The following DPYD variants were observed in gnomAD, a reference collection of about 807,000 sequenced individuals.
DPYD encodes dihydropyrimidine dehydrogenase.
DPYD carries 109 observed loss-of-function variants against 116.2 expected under a neutral mutation model. That is an observed-to-expected ratio of 0.94 (90% CI 0.80 to 1.10). The LOEUF is 1.10. Among genes scored for constraint, DPYD ranks in the 50% least tolerant of loss-of-function variants. The pLI, the probability that DPYD is intolerant of heterozygous loss-of-function variation, is 0.00. For synonymous variants in DPYD, 440 were observed against 432.0 expected, an observed-to-expected ratio of 1.02 and a Z score of -0.23; for missense variants, 1,302 against 1,254.5, an observed-to-expected ratio of 1.04 and a Z score of -0.57.
intron 11 of DPYD, among the ~76,000 whole-genome samples, chr1:97,554,768 C>A (rs530507752): frequency 6.6e-6 from 1 of 152,206 alleles, no homozygotes; most frequent in Admixed American, 6.6e-5. Context: ...TTCCACTTCT[C>A]AGTACTTTAA....
At chr1:97,220,868 C>A (rs1429130432) in intron 19 of DPYD, among the ~76,000 whole-genome samples, 1 of 152,096 alleles carries the variant, frequency 6.6e-6, no homozygotes, top group Non-Finnish European at 1.5e-5. Flanking sequence ...ATCACACATG[C>A]ATCTTCTGAT....
At chr1:97,817,409 A>G (rs944877793) in intron 3 of DPYD, among the ~76,000 whole-genome samples, 2 of 152,086 alleles carry the variant, frequency 1.3e-5, no homozygotes, top group African/African-American at 4.8e-5. Flanking sequence ...TGGATAAGAA[A>G]TTGTATTAAT....
intron 14 of DPYD, among the ~76,000 whole-genome samples, chr1:97,412,471 C>T (rs182260468): frequency 3.3e-5 from 5 of 152,206 alleles, no homozygotes; most frequent in East Asian, 1.9e-4. Context: ...ATAGGAGAAA[C>T]GTATCCTTTC....
intron 8 of DPYD, among the ~76,000 whole-genome samples, chr1:97,661,749 A>C (rs1659270387): frequency 6.6e-6 from 1 of 152,072 alleles, no homozygotes; most frequent in African/African-American, 2.4e-5. Context: ...CTATGAAATA[A>C]ATCTTCATCA....
chr1:97,149,877 A>G (rs1007505468), intron 20 of DPYD, among the ~76,000 whole-genome samples: 1 of 152,218 alleles, frequency 6.6e-6, no homozygotes, highest in Non-Finnish European at 1.5e-5. Context: ...TAACATTACG[A>G]TGTATTTGTA....
At chr1:97,392,887 A>G (rs1173196718) in intron 14 of DPYD, among the ~76,000 whole-genome samples, 2 of 151,838 alleles carry the variant, frequency 1.3e-5, no homozygotes, top group Non-Finnish European at 2.9e-5. Context: ...CTTGCAATCA[A>G]TTTCTTCCAA....
chr1:97,645,179 G>C (rs1018189066), intron 8 of DPYD, among the ~76,000 whole-genome samples: 13 of 152,204 alleles, frequency 8.5e-5, no homozygotes, highest in South Asian at 2.1e-4. Context: ...CAGTAGTGCA[G>C]TTAATAAGCT....
intron 2 of DPYD, among the ~76,000 whole-genome samples, chr1:97,874,294 T>C (rs1199137478): frequency 6.6e-6 from 1 of 151,988 alleles, no homozygotes; most frequent in Non-Finnish European, 1.5e-5. Context: ...TCATATAATC[T>C]AAATTAGGTA....
At chr1:97,581,293 C>A (rs1213874731) in intron 10 of DPYD, among the ~76,000 whole-genome samples, 1 of 133,306 alleles carries the variant, frequency 7.5e-6, no homozygotes, top group Non-Finnish European at 1.5e-5. Context: ...CACCACTGCA[C>A]TCCAGCCTGG....
chr1:97,860,738 A>T (rs998900279), intron 2 of DPYD, among the ~76,000 whole-genome samples: 4 of 152,068 alleles, frequency 2.6e-5, no homozygotes, highest in African/African-American at 9.7e-5. Flanking sequence ...CTAACCTAAA[A>T]TACTGAAAAC....
intron 8 of DPYD, among the ~76,000 whole-genome samples, chr1:97,656,980 T>C (rs1658949783): frequency 6.6e-6 from 1 of 151,072 alleles, no homozygotes; most frequent in Non-Finnish European, 1.5e-5. Context: ...TTTTTTTTTT[T>C]TTTTTTGGAT....
chr1:97,744,625 A>T (rs1015556000), intron 3 of DPYD, among the ~76,000 whole-genome samples: 24 of 152,096 alleles, frequency 1.6e-4, no homozygotes, highest in Non-Finnish European at 2.9e-4. Flanking sequence ...CACATTAAAA[A>T]TTAAAATATT....
chr1:97,727,721 T>G (rs1250307984), intron 4 of DPYD, among the ~76,000 whole-genome samples: 1 of 151,800 alleles, frequency 6.6e-6, no homozygotes, highest in African/African-American at 2.4e-5. Context: ...ACTCCATTGT[T>G]TAGGGATCTT....
intron 1 of DPYD, among the ~76,000 whole-genome samples, chr1:97,888,964 C>G (rs1430483910): frequency 6.6e-6 from 1 of 152,040 alleles, no homozygotes; most frequent in Non-Finnish European, 1.5e-5. Context: ...CAAGACCAGC[C>G]TGGCCAACAT....
chr1:97,369,564 C>G (rs1023495436), intron 16 of DPYD, among the ~76,000 whole-genome samples: 1 of 152,150 alleles, frequency 6.6e-6, no homozygotes, highest in African/African-American at 2.4e-5. Flanking sequence ...TCGAGGGCCT[C>G]TGCCTTGTGA....
chr1:97,148,488 G>T (rs958105745), intron 20 of DPYD, among the ~76,000 whole-genome samples: 1 of 152,064 alleles, frequency 6.6e-6, no homozygotes, highest in Non-Finnish European at 1.5e-5. Context: ...CTCTGATGAT[G>T]AATACTAAGA....
intron 2 of DPYD, among the ~76,000 whole-genome samples, chr1:97,859,066 G>T (rs952125097): frequency 6.6e-6 from 1 of 151,654 alleles, no homozygotes; most frequent in Non-Finnish European, 1.5e-5. Context: ...CCTCCTTTTT[G>T]AATCATTTCC....
chr1:97,497,603 C>T lies in DPYD; in HGVS notation c.1740+18123G>A, dbSNP rs181645305. ...TTACTTTTTCTACTTATCAATAACACTAGGAGTCAATATCATAATGGGAAA... is the reference window on the plus strand; with the variant it reads ...TTACTTTTTCTACTTATCAATAACATTAGGAGTCAATATCATAATGGGAAA... On this transcript the variant is annotated intron_variant, in intron 13 of 22. Transcript: ENST00000370192. Among the ~76,000 whole-genome samples, 3 of 151,770 alleles carry T rather than the reference C, an allele frequency of 2.0e-5. No individual in the cohort carries two copies. The East Asian group carries it at 5.8e-4, about 29-fold the overall frequency.
intron 20 of DPYD, among the ~76,000 whole-genome samples, chr1:97,183,328 C>G (rs1354097993): frequency 6.6e-6 from 1 of 151,992 alleles, no homozygotes; most frequent in East Asian, 1.9e-4. Flanking sequence ...ATATAGGTAT[C>G]CAATAATTCC....
Sources: gnomAD v4.1 joint callset for allele counts (sites outside exome capture counted in the v4.1 genomes callset) on GRCh38, gnomAD v4.1.1 for gene constraint, MANE v1.5 for transcripts, NCBI Gene and HGNC (gene_info 2026-07-23, HGNC 2026-07-21) for gene names.